PSMD14: variants seen among roughly 807,000 people sequenced by gnomAD.
PSMD14 encodes proteasome 26S subunit, non-ATPase 14.
A neutral mutation model predicts 41.2 loss-of-function variants in PSMD14; 7 were observed. That is an observed-to-expected ratio of 0.17 (90% CI 0.10 to 0.32). The LOEUF (loss-of-function observed/expected upper bound fraction) is 0.32. PSMD14 is among the 10% of genes least tolerant of loss of function. PSMD14 has a pLI of 1.00. For synonymous variants in PSMD14, 114 were observed against 122.3 expected (o/e 0.93, Z 0.45); for missense variants, 139 against 375.6 (o/e 0.37, Z 5.21).
At chr2:161,322,971 A>G (rs1164170503) in intron 3 of PSMD14, among the ~76,000 whole-genome samples, 1 of 152,072 alleles carries the variant, frequency 6.6e-6, no homozygotes, top group Non-Finnish European at 1.5e-5. Flanking sequence ...CACACTGCAG[A>G]TCTCCATTGA....
intron 3 of PSMD14, among the ~76,000 whole-genome samples, chr2:161,328,178 G>A (rs1026249514): frequency 2.0e-5 from 3 of 151,804 alleles, no homozygotes; most frequent in African/African-American, 7.3e-5. Context: ...TTCACTTTAG[G>A]GAAACTTTTA....
chr2:161,326,470 G>T (rs1241720002), intron 3 of PSMD14, among the ~76,000 whole-genome samples: 1 of 152,182 alleles, frequency 6.6e-6, no homozygotes, highest in African/African-American at 2.4e-5. Flanking sequence ...ATGTAAAATG[G>T]TACAGATAAT....
chr2:161,371,984 C>CT lies in PSMD14; in HGVS notation c.462+665dup, dbSNP rs1683441402. On this transcript the variant is annotated intron_variant, in intron 7 of 11. Transcript: ENST00000409682. ...CATTCTTTCTTTTTTTTTTTTATTT[C>CT]TTTCTTTCTAGCCCCATATGCCATT... Among the ~76,000 whole-genome samples, 5 of 131,644 alleles carry CT rather than the reference C, an allele frequency of 3.8e-5. No homozygotes were observed. In the East Asian group the frequency reaches 1.1e-3, roughly 28 times the overall value. The allele number at this position is 131,644 out of a possible 152,430, so 86.4% of individuals were successfully genotyped here.
rs545288216 is a variant in PSMD14, at chr2:161,316,088, C to A, written c.-137-349C>A. Among the ~76,000 whole-genome samples, 23 of 152,246 alleles carry A rather than the reference C, an allele frequency of 1.5e-4. No individual in the cohort carries two copies. The South Asian group carries it at 4.8e-3, about 32-fold the overall frequency. ...CCAACTCCTGACCTCAGGTGATCCGCCCGCGTTGGCCTCCCAAAGTGCTGG... is the reference window on the plus strand; with the variant it reads ...CCAACTCCTGACCTCAGGTGATCCGACCGCGTTGGCCTCCCAAAGTGCTGG... On this transcript the variant is annotated intron_variant, in intron 1 of 11. Coordinates refer to ENST00000409682, the MANE Select transcript of PSMD14 (RefSeq NM_005805.6).
rs1230683249 is a variant in PSMD14 at position 161,371,169 on chromosome 2, C to T, written c.312-3C>T. On this transcript the variant is annotated splice_polypyrimidine_tract_variant and splice_region_variant and intron_variant, in intron 6 of 11. Coordinates refer to ENST00000409682, the MANE Select transcript of PSMD14 (RefSeq NM_005805.6). ...GAGCATCTGAATGCCCTCTTTGTTT[C>T]AGGCCGGAGATGGTTGTTGGTTGGT... 1.2e-6 allele frequency: 2 copies of T among 1,611,928 alleles called. No individual in the cohort carries two copies. Among genetic ancestry groups the T allele is most frequent in the Non-Finnish European group, 1.7e-6 (2 of 1,178,806 alleles).
At chr2:161,391,849 T>TG (rs1222714669) in intron 9 of PSMD14, among the ~76,000 whole-genome samples, 1 of 152,120 alleles carries the variant, frequency 6.6e-6, no homozygotes, top group Admixed American at 6.6e-5. Flanking sequence ...TCCTCTCACC[T>TG]CAGCCTTCTA....
intron 3 of PSMD14, among the ~76,000 whole-genome samples, chr2:161,320,381 C>T (rs1011135803): frequency 1.3e-5 from 2 of 152,150 alleles, no homozygotes; most frequent in South Asian, 2.1e-4. Context: ...ATGTCAATGG[C>T]GACTTCAAAG....
chr2:161,350,195 G>A (rs1239953564), intron 3 of PSMD14, among the ~76,000 whole-genome samples: 1 of 152,198 alleles, frequency 6.6e-6, no homozygotes, highest in South Asian at 2.1e-4. Flanking sequence ...CTTGGGGATA[G>A]GGTTGCCAGA....
intron 1 of PSMD14, among the ~76,000 whole-genome samples, chr2:161,315,358 C>G (rs1689135403): frequency 6.6e-6 from 1 of 152,184 alleles, no homozygotes; most frequent in Non-Finnish European, 1.5e-5. Context: ...GTGCTATAAT[C>G]TGTCTCCTTC....
At chr2:161,386,915 A>G (rs1264405767) in intron 8 of PSMD14, among the ~76,000 whole-genome samples, 1 of 151,976 alleles carries the variant, frequency 6.6e-6, no homozygotes, top group Admixed American at 6.6e-5. Context: ...ACTGTAATCA[A>G]TATTAATAAC....
intron 8 of PSMD14, 112 bp from the exon 9 acceptor site, chr2:161,390,992 C>A: frequency 1.1e-6 from 1 of 941,672 alleles, no homozygotes; most frequent in African/African-American, 1.7e-5. Flanking sequence ...AAATAAAATG[C>A]CTTTATTAGA....
intron 3 of PSMD14, among the ~76,000 whole-genome samples, chr2:161,340,310 T>G (rs1682932441): frequency 2.6e-5 from 4 of 152,112 alleles, no homozygotes; most frequent in African/African-American, 9.7e-5. Context: ...GAAGTGGGGT[T>G]CCCAGGGAAA....
chr2:161,347,720 C>T (rs1030211584), intron 3 of PSMD14, among the ~76,000 whole-genome samples: 1 of 152,064 alleles, frequency 6.6e-6, no homozygotes, highest in Admixed American at 6.5e-5. Context: ...AATAAAGGGA[C>T]GATTGATTCA....
At chr2:161,319,736 A>G (rs1466057168) in intron 3 of PSMD14, among the ~76,000 whole-genome samples, 5 of 152,140 alleles carry the variant, frequency 3.3e-5, no homozygotes, top group Non-Finnish European at 5.9e-5. Context: ...TCTTTCTTCA[A>G]AGTAATCTGT....
At chr2:161,403,131 G>A (rs886467448) in intron 10 of PSMD14, among the ~76,000 whole-genome samples, 1 of 152,156 alleles carries the variant, frequency 6.6e-6, no homozygotes, top group Non-Finnish European at 1.5e-5. Context: ...AGCTAAAGTT[G>A]GAGACAATCC....
intron 3 of PSMD14, among the ~76,000 whole-genome samples, chr2:161,347,062 G>C (rs2105245196): frequency 6.6e-6 from 1 of 152,202 alleles, no homozygotes; most frequent in East Asian, 1.9e-4. Flanking sequence ...AGAGTCTACT[G>C]TCCTCTGCCT....
At chr2:161,319,551 A>G (rs1007086732) in intron 3 of PSMD14, among the ~76,000 whole-genome samples, 2 of 152,186 alleles carry the variant, frequency 1.3e-5, no homozygotes, top group Admixed American at 6.5e-5. Context: ...GCAGTCATAC[A>G]TTGAGTTAAT....
chr2:161,388,745 A>G (rs1683666130), intron 8 of PSMD14, among the ~76,000 whole-genome samples: 1 of 152,182 alleles, frequency 6.6e-6, no homozygotes, highest in Non-Finnish European at 1.5e-5. Context: ...CTTTTTAAGG[A>G]GCATGAAAAC....
chr2:161,388,557 G>C (rs961941808), intron 8 of PSMD14, among the ~76,000 whole-genome samples: 2 of 151,994 alleles, frequency 1.3e-5, no homozygotes, highest in Non-Finnish European at 2.9e-5. Context: ...CTGCAACTCA[G>C]TTCTCCACTC....
Sources: gnomAD v4.1 joint callset for allele counts (sites outside exome capture counted in the v4.1 genomes callset) on GRCh38, gnomAD v4.1.1 for gene constraint, MANE v1.5 for transcripts, NCBI Gene and HGNC (gene_info 2026-07-23, HGNC 2026-07-21) for gene names.